ATXN10: variants seen among roughly 807,000 people sequenced by gnomAD.
ATXN10 encodes ataxin 10, also known as ataxin-10.
ATXN10 carries 28 observed loss-of-function variants against 52.9 expected under a neutral mutation model. The ratio of observed to expected loss-of-function variants is 0.53; its 90% CI spans 0.39 to 0.73. ATXN10 has a LOEUF of 0.73. Among genes scored for constraint, ATXN10 ranks in the 30% least tolerant of loss-of-function variants. The pLI, the probability that ATXN10 is intolerant of heterozygous loss-of-function variation, is 0.00. For synonymous variants in ATXN10, 226 were observed against 221.5 expected, an observed-to-expected ratio of 1.02 and a Z score of -0.18; for missense variants, 565 against 577.0, an observed-to-expected ratio of 0.98 and a Z score of 0.21.
chr22:45,771,657 TCCAC>T (rs1363836075), intron 9 of ATXN10, among the ~76,000 whole-genome samples: 1 of 152,174 alleles, frequency 6.6e-6, no homozygotes, highest in East Asian at 1.9e-4. Flanking sequence ...CCTCAAGTGA[TCCAC>T]CCACCTCGAG....
intron 1 of ATXN10, among the ~76,000 whole-genome samples, chr22:45,685,370 A>G (rs966845100): frequency 2.0e-5 from 3 of 152,180 alleles, no homozygotes; most frequent in Non-Finnish European, 4.4e-5. Context: ...TTCCTTTGTA[A>G]TAGGAATGTC....
rs549761037 is a variant in ATXN10, at chr22:45,816,754, C to G, written c.1237+9732C>G. Among the ~76,000 whole-genome samples the G allele has an allele frequency of 9.2e-5, 14 of 152,324 alleles. No individual in the cohort carries two copies. Among genetic ancestry groups the G allele is most frequent in the African/African-American group, 3.1e-4 (13 of 41,580 alleles). ...TGTGTGAAGCAGATGTTCTGGCTTG[C>G]AGAACCTCGTGGAGTCTTTATTAGT... On this transcript the variant is annotated intron_variant, in intron 10 of 11. Coordinates refer to ENST00000252934, the MANE Select transcript of ATXN10 (RefSeq NM_013236.4). This position sits in a 1 kb window ranked among gnomAD's most constrained non-coding sequence, Gnocchi z 5.8.
Position 45,689,916 on chromosome 22 carries a change from G to T in ATXN10, c.308+13G>T, listed in dbSNP as rs770135166. 1.2e-6 allele frequency: 2 copies of T among 1,612,144 alleles called. No individual in the cohort carries two copies. Among genetic ancestry groups the T allele is most frequent in the South Asian group, 2.2e-5 (2 of 91,058 alleles). ...AGAATTCAATCAGGTAGTTACACAC[G>T]TACCTTGGATTCTGTTTCTTTGTAT... is the stretch of plus-strand genomic sequence containing the variant. On this transcript the variant is annotated intron_variant, in intron 2 of 11. Coordinates refer to ENST00000252934, the MANE Select transcript of ATXN10 (RefSeq NM_013236.4).
In ATXN10 at chr22:45,790,699, C is replaced by G. The variant is rs1323850710; in HGVS notation, c.1174-16260C>G. Among the ~76,000 whole-genome samples, 1 of 152,146 alleles carries G rather than the reference C, an allele frequency of 6.6e-6. No individual in the cohort carries two copies. Among genetic ancestry groups the G allele is most frequent in the Non-Finnish European group, 1.5e-5 (1 of 68,030 alleles). ...GCTTCTCTCATGGGTTTTGTAGGACCCAATCACAGTTTCTGTTCAAATAGC... is the reference window on the plus strand; with the variant it reads ...GCTTCTCTCATGGGTTTTGTAGGACGCAATCACAGTTTCTGTTCAAATAGC... On this transcript the variant is annotated intron_variant, in intron 9 of 11. Coordinates refer to ENST00000252934, the MANE Select transcript of ATXN10 (RefSeq NM_013236.4). The surrounding 1 kb of genome is among the most constrained non-coding windows in gnomAD (Gnocchi z 4.7).
At chr22:45,731,262 C>T (rs1043413966) in intron 7 of ATXN10, among the ~76,000 whole-genome samples, 1 of 152,148 alleles carries the variant, frequency 6.6e-6, no homozygotes, top group Non-Finnish European at 1.5e-5. Context: ...ATTCCATTTC[C>T]GTGGGATTCT....
chr22:45,699,463 A>G (rs1168042353), intron 3 of ATXN10, among the ~76,000 whole-genome samples: 1 of 136,590 alleles, frequency 7.3e-6, no homozygotes, highest in African/African-American at 2.5e-5. Context: ...TATTCAGTAG[A>G]AATCTTTTTT....
In ATXN10 at chr22:45,816,165, A is replaced by C. The variant is rs953311041; in HGVS notation, c.1237+9143A>C. On this transcript the variant is annotated intron_variant, in intron 10 of 11. Coordinates refer to ENST00000252934, the MANE Select transcript of ATXN10 (RefSeq NM_013236.4). This position sits in a 1 kb window ranked among gnomAD's most constrained non-coding sequence, Gnocchi z 5.8. The stretch of plus-strand genomic sequence containing the variant: ...CTACTCGGGAGGCTGAGGCAGGAGA[A>C]TCGCTTGAACCTGCAAGGCGCAGGT... 1.3e-5 allele frequency among the ~76,000 whole-genome samples: 2 copies of C among 152,294 alleles called. No individual in the cohort carries two copies. Among genetic ancestry groups the C allele is most frequent in the South Asian group, 2.1e-4 (1 of 4,826 alleles).
chr22:45,692,916 C>A, intron 2 of ATXN10, 80 bp from the exon 3 acceptor site: 1 of 1,142,230 alleles, frequency 8.8e-7, no homozygotes, highest in Non-Finnish European at 1.3e-6. Context: ...TCTCAGCTCT[C>A]CCATTGTAGT....
chr22:45,689,145 C>T (rs1484421983), intron 1 of ATXN10, among the ~76,000 whole-genome samples: 1 of 152,204 alleles, frequency 6.6e-6, no homozygotes, highest in Admixed American at 6.5e-5. Context: ...GTCAGCCTCA[C>T]TGTGTCTACA....
At chr22:45,803,663 CA>C (rs1201409292) in intron 9 of ATXN10, among the ~76,000 whole-genome samples, 17 of 152,190 alleles carry the variant, frequency 1.1e-4, no homozygotes, top group Admixed American at 1.1e-3. Flanking sequence ...CAATATCGGT[CA>C]GCACAAGGCA....
chr22:45,693,042 C>G lies in ATXN10; in HGVS notation c.355C>G (p.Arg119Gly). The part of the protein sequence containing the change: ...GVAVDLILLF[R>G]ELRVEQESLL... ...TGCTGTTGATTTGATTCTTCTGTTT[C>G]GTGAACTGCGAGTGGAACAGGAATC... The change falls in exon 3 of 12, where the codon CGT (arginine) becomes GGT (glycine). Residue 119 changes from arginine (R) to glycine (G), a missense_variant. Transcript: ENST00000252934. 1 of 1,614,044 alleles carries G rather than the reference C, an allele frequency of 6.2e-7. No individual in the cohort carries two copies. Among genetic ancestry groups the G allele is most frequent in the Non-Finnish European group, 8.5e-7 (1 of 1,179,970 alleles).
At chr22:45,742,238 C>A (rs891783905) in intron 9 of ATXN10, among the ~76,000 whole-genome samples, 1 of 151,732 alleles carries the variant, frequency 6.6e-6, no homozygotes, top group Non-Finnish European at 1.5e-5. Flanking sequence ...CCAGAATTGC[C>A]ACAGCATAAT....
At chr22:45,817,917 T>C (rs1006862034) in intron 10 of ATXN10, among the ~76,000 whole-genome samples, 1 of 152,028 alleles carries the variant, frequency 6.6e-6, no homozygotes, top group Admixed American at 6.5e-5. Context: ...TCATCCCTAG[T>C]GAAAGAGTGA....
At chr22:45,695,068 C>T (rs1236545626) in intron 3 of ATXN10, among the ~76,000 whole-genome samples, 2 of 150,738 alleles carry the variant, frequency 1.3e-5, no homozygotes, top group Non-Finnish European at 3.0e-5. Context: ...CAGTGGCTCA[C>T]GCCTGTAATC....
At chr22:45,801,869 C>T (rs1171073406) in intron 9 of ATXN10, among the ~76,000 whole-genome samples, 2 of 152,186 alleles carry the variant, frequency 1.3e-5, no homozygotes, top group East Asian at 1.9e-4. Flanking sequence ...GGGCACCATG[C>T]TGGATGCTTT....
At chr22:45,724,838 A>G (rs1380107384) in intron 6 of ATXN10, among the ~76,000 whole-genome samples, 2 of 152,080 alleles carry the variant, frequency 1.3e-5, no homozygotes, top group African/African-American at 2.4e-5. Flanking sequence ...ATTTTTGTGT[A>G]TGGTGAGAGA....
At chr22:45,706,357 T>C (rs1924041833) in intron 5 of ATXN10, among the ~76,000 whole-genome samples, 1 of 152,226 alleles carries the variant, frequency 6.6e-6, no homozygotes. Context: ...GAACCAACTT[T>C]TGGTTTTGTT....
chr22:45,830,887 A>G (rs1928970712), intron 10 of ATXN10, among the ~76,000 whole-genome samples: 1 of 152,236 alleles, frequency 6.6e-6, no homozygotes, highest in African/African-American at 2.4e-5. Flanking sequence ...AATTGAGAGT[A>G]GTGTCTCAAA....
Position 45,738,468 on chromosome 22 carries a change from T to G in ATXN10, c.895-263T>G, listed in dbSNP as rs79124112. On this transcript the variant is annotated intron_variant, in intron 7 of 11. Coordinates refer to ENST00000252934, the MANE Select transcript of ATXN10 (RefSeq NM_013236.4). ...CTTTTTGCTTGAATAAGAACTTTTC[T>G]GACTCTTTGCTCCAAGAAGACACAT... is the stretch of plus-strand genomic sequence containing the variant. The G allele has an allele frequency of 4.9e-3, 2,027 of 415,164 alleles. 41 individuals carry two copies. The highest frequency in any genetic ancestry group is 0.037 in the African/African-American group (1,830 of 49,738). 25.7% of individuals were successfully genotyped at this position (415,164 alleles called of 1,614,324 possible).
Sources: allele counts gnomAD v4.1 joint callset (sites outside exome capture counted in the v4.1 genomes callset), GRCh38; gene constraint gnomAD v4.1.1; non-coding constraint Gnocchi (gnomAD v3.1); transcripts MANE v1.5; gene names NCBI Gene and HGNC (gene_info 2026-07-23, HGNC 2026-07-21).